Variants in CFAP61 observed in about 807,000 individuals in gnomAD.
CFAP61 encodes cilia- and flagella-associated protein 61.
A neutral mutation model predicts 135.6 loss-of-function variants in CFAP61; 107 were observed. The observed-to-expected ratio is 0.79, with a 90% confidence interval of 0.67 to 0.93. The LOEUF (loss-of-function observed/expected upper bound fraction) is 0.93, where lower values mean the gene tolerates loss of function less well. Among genes scored for constraint, CFAP61 ranks in the 40% least tolerant of loss-of-function variants. The pLI, the probability that CFAP61 is intolerant of heterozygous loss-of-function variation, is 0.00. For missense variants in CFAP61, 1,507 were observed against 1,556.2 expected (o/e 0.97, Z 0.53); for synonymous variants, 575 against 578.5 (o/e 0.99, Z 0.09).
intron 8 of CFAP61, among the ~76,000 whole-genome samples, chr20:20,117,021 C>CT (rs1378423837): frequency 2.6e-5 from 4 of 152,158 alleles, no homozygotes; most frequent in Admixed American, 1.3e-4. Context: ...ATTGATGAGA[C>CT]TTTCCTTTCC....
chr20:20,241,235 A>G lies in CFAP61; in HGVS notation c.2061-4882A>G, dbSNP rs562289197. Among the ~76,000 whole-genome samples the G allele has an allele frequency of 2.3e-4, 35 of 152,288 alleles. No individual in the cohort carries two copies. The South Asian group carries it at 6.4e-3, about 28-fold the overall frequency. Reference sequence around the variant, plus strand: ...CTGGTGACCAGTCCCCATTTTCTTTATGACATAGGAGATGTGCTCACCCGA... The same window carrying G: ...CTGGTGACCAGTCCCCATTTTCTTTGTGACATAGGAGATGTGCTCACCCGA... On this transcript the variant is annotated intron_variant, in intron 18 of 26. Coordinates refer to ENST00000245957, the MANE Select transcript of CFAP61 (RefSeq NM_015585.4).
chr20:20,328,848 G>T (rs1046286979), intron 25 of CFAP61, among the ~76,000 whole-genome samples: 1 of 152,146 alleles, frequency 6.6e-6, no homozygotes, highest in Non-Finnish European at 1.5e-5. Context: ...CCTCGTACCC[G>T]ATAGGATGGC....
At chr20:20,224,944 A>G (rs1020821551) in intron 17 of CFAP61, among the ~76,000 whole-genome samples, 10 of 152,296 alleles carry the variant, frequency 6.6e-5, no homozygotes, top group Non-Finnish European at 1.2e-4. Flanking sequence ...ACTTTCTATG[A>G]AGGAAATAAG....
rs76831739 is a variant in CFAP61, at chr20:20,196,319, A to G, written c.1591-251A>G. 4.2e-3 allele frequency among the ~76,000 whole-genome samples: 643 copies of G among 152,300 alleles called. 10 individuals are homozygous for G. Among genetic ancestry groups the G allele is most frequent in the African/African-American group, 0.015 (625 of 41,572 alleles). ...GGGGCTCTCTGAGTTGATAGCAGCC[A>G]TGGGTATGGAAGGAGCACATTACAA... On this transcript the variant is annotated intron_variant, in intron 15 of 26. Transcript: ENST00000245957.
intron 19 of CFAP61, 141 bp from the exon 20 acceptor site, chr20:20,251,454 T>A: frequency 4.4e-5 from 26 of 588,962 alleles, no homozygotes; most frequent in South Asian, 1.4e-4. Flanking sequence ...TAACGAAAAA[T>A]CTCCTAGTAT....
At chr20:20,330,920 G>A (rs962164340) in intron 25 of CFAP61, among the ~76,000 whole-genome samples, 5 of 152,194 alleles carry the variant, frequency 3.3e-5, no homozygotes, top group East Asian at 3.9e-4. Flanking sequence ...CACTTGGTTA[G>A]AATGGAGGCT....
intron 6 of CFAP61, among the ~76,000 whole-genome samples, chr20:20,083,695 G>A (rs1375632690): frequency 1.3e-5 from 2 of 152,118 alleles, no homozygotes. Flanking sequence ...CATTCCAAAA[G>A]AAGGGATAGG....
chr20:20,114,230 A>G (rs1471271933), intron 8 of CFAP61, among the ~76,000 whole-genome samples: 3 of 152,192 alleles, frequency 2.0e-5, no homozygotes, highest in Non-Finnish European at 4.4e-5. Context: ...AGATCACACC[A>G]CTGCACTCCA....
intron 25 of CFAP61, among the ~76,000 whole-genome samples, chr20:20,330,741 T>G (rs1425723069): frequency 6.6e-6 from 1 of 152,150 alleles, no homozygotes; most frequent in East Asian, 1.9e-4. Flanking sequence ...TCTGTTTTCC[T>G]ACCTGTAGAA....
chr20:20,074,879 C>T (rs572825314), intron 4 of CFAP61, among the ~76,000 whole-genome samples: 41 of 152,148 alleles, frequency 2.7e-4, no homozygotes, highest in Admixed American at 4.6e-4. Context: ...AATGTCACAC[C>T]AGACCGTCCA....
At chr20:20,105,342 C>T (rs2048308200) in intron 8 of CFAP61, among the ~76,000 whole-genome samples, 1 of 152,108 alleles carries the variant, frequency 6.6e-6, no homozygotes, top group Non-Finnish European at 1.5e-5. Flanking sequence ...AGGGTGAGTT[C>T]TGGGGCCCAT....
At chr20:20,193,669 A>G (rs1381402417) in intron 15 of CFAP61, among the ~76,000 whole-genome samples, 1 of 152,110 alleles carries the variant, frequency 6.6e-6, no homozygotes, top group Non-Finnish European at 1.5e-5. Flanking sequence ...GCTGGAGTTC[A>G]GTGATGTGAT....
chr20:20,241,029 C>T (rs564744235), intron 18 of CFAP61, among the ~76,000 whole-genome samples: 2 of 152,278 alleles, frequency 1.3e-5, no homozygotes, highest in South Asian at 2.1e-4. Flanking sequence ...CCTATCAGCA[C>T]GAAACTGGTG....
At chr20:20,255,461 G>C (rs1014992915) in intron 20 of CFAP61, among the ~76,000 whole-genome samples, 2 of 152,218 alleles carry the variant, frequency 1.3e-5, no homozygotes, top group African/African-American at 4.8e-5. Flanking sequence ...CAAGCAAGAA[G>C]AAGAGCTGAG....
intron 17 of CFAP61, among the ~76,000 whole-genome samples, chr20:20,217,280 G>T (rs557256740): frequency 6.6e-6 from 1 of 152,222 alleles, no homozygotes; most frequent in Non-Finnish European, 1.5e-5. Flanking sequence ...AGATGAAAGA[G>T]ATATGCTTAA....
At position 20,336,478 on chromosome 20, in the gene CFAP61, A is replaced by T. The variant is rs557155604; in HGVS notation, c.3423-5353A>T. 2.6e-5 allele frequency among the ~76,000 whole-genome samples: 4 copies of T among 152,204 alleles called. No homozygotes were observed. In the South Asian group the frequency reaches 6.2e-4, roughly 24 times the overall value. On this transcript the variant is annotated intron_variant, in intron 25 of 26. Transcript: ENST00000245957. ...TCTGAAAGATTCCAAATAGAAAATT[A>T]GGCAGGTGTGATGGTGTGCACCTAT...
At chr20:20,113,979 A>G (rs2146676051) in intron 8 of CFAP61, among the ~76,000 whole-genome samples, 1 of 151,708 alleles carries the variant, frequency 6.6e-6, no homozygotes, top group South Asian at 2.1e-4. Context: ...AAAAAAAAAA[A>G]AAAAAAAGCC....
intron 17 of CFAP61, among the ~76,000 whole-genome samples, chr20:20,207,414 C>T (rs1411689481): frequency 6.6e-6 from 1 of 152,216 alleles, no homozygotes; most frequent in African/African-American, 2.4e-5. Context: ...CCCTGCAGAG[C>T]CAGGGTAATG....
At chr20:20,275,399 G>A (rs1354847722) in intron 21 of CFAP61, among the ~76,000 whole-genome samples, 1 of 152,214 alleles carries the variant, frequency 6.6e-6, no homozygotes, top group Non-Finnish European at 1.5e-5. Flanking sequence ...AGCCAAAACT[G>A]TTTAGAAGTC....
Sources: gnomAD v4.1 joint callset for allele counts (sites outside exome capture counted in the v4.1 genomes callset) on GRCh38, gnomAD v4.1.1 for gene constraint, MANE v1.5 for transcripts, NCBI Gene and HGNC (gene_info 2026-07-23, HGNC 2026-07-21) for gene names.